Variants in FBL observed in about 807,000 individuals in gnomAD.
FBL encodes fibrillarin rRNA 2'-O-methyltransferase.
A neutral mutation model predicts 42.2 loss-of-function variants in FBL; 10 were observed. The observed-to-expected ratio is 0.24, with a 90% CI of 0.15 to 0.40. The LOEUF (loss-of-function observed/expected upper bound fraction) is 0.40. Ranked by LOEUF, FBL falls within the 10% of genes least tolerant of loss-of-function variation. The pLI, the probability that FBL is intolerant of heterozygous loss-of-function variation, is 1.00. For missense variants in FBL, 351 were observed against 439.2 expected (o/e 0.80, Z 1.79); for synonymous variants, 165 against 165.4 (o/e 1.00, Z 0.02).
Position 39,837,806 on chromosome 19 carries a change from G to C in FBL, c.587C>G (p.Ser196Cys), listed in dbSNP as rs1193026738. Residue 196 changes from serine (S) to cysteine (C), a missense_variant, in exon 6 of 9, where the codon TCT (serine) becomes TGT (cysteine). By Grantham distance (112) the Ser-to-Cys change is moderately radical. Coordinates refer to ENST00000221801, the MANE Select transcript of FBL (RefSeq NM_001436.4). The part of the protein sequence containing the change: ...LVYAVEFSHR[S>C]GRDLINLAKK... ...GGCCAAGTTAATGAGGTCACGGCCAGAGCGGTGGGAGAACTCGACTGCATA... is the reference window on the plus strand; with the variant it reads ...GGCCAAGTTAATGAGGTCACGGCCACAGCGGTGGGAGAACTCGACTGCATA... The C allele has an allele frequency of 1.2e-6, 2 of 1,612,894 alleles. No individual in the cohort carries two copies. The highest frequency in any genetic ancestry group is 1.7e-6 in the Non-Finnish European group (2 of 1,179,570).
At chr19:39,839,357 G>A (rs901923153) in intron 4 of FBL, 152 bp from the exon 5 acceptor site, 4 of 606,358 alleles carry the variant, frequency 6.6e-6, no homozygotes, top group Non-Finnish European at 1.1e-5. Context: ...ACATGCAGTC[G>A]CTGCCCTCTC....
rs763593303 is a variant in FBL, at chr19:39,837,856, A to G, written c.550-13T>C. On this transcript the variant is annotated splice_polypyrimidine_tract_variant and intron_variant, in intron 5 of 8. Transcript: ENST00000221801. ...AGACTAGACCATCCTAAAATAAATT[A>G]AAAATTAATGAACAGTGATGCTAGT... The G allele has an allele frequency of 5.0e-6, 8 of 1,612,406 alleles. No individual in the cohort carries two copies. In the East Asian group the frequency reaches 1.8e-4, roughly 36 times the overall value.
intron 1 of FBL, 41 bp downstream of exon 1, chr19:39,846,250 C>A (rs1330945299): frequency 6.2e-7 from 1 of 1,612,574 alleles, no homozygotes; most frequent in African/African-American, 1.3e-5. Flanking sequence ...GATTCCCGCC[C>A]GGCCTCCGTC....
chr19:39,844,613 C>T (rs1199193938), intron 1 of FBL, among the ~76,000 whole-genome samples: 2 of 152,166 alleles, frequency 1.3e-5, no homozygotes, highest in African/African-American at 4.8e-5. Context: ...CACACACCCA[C>T]ATACAATCTG....
At chr19:39,835,551 T>A (rs1969026850) in intron 7 of FBL, among the ~76,000 whole-genome samples, 1 of 152,060 alleles carries the variant, frequency 6.6e-6, no homozygotes, top group African/African-American at 2.4e-5. Flanking sequence ...AATAAATAAA[T>A]TACCCAGTCT....
At chr19:39,839,013 G>A (rs1016538359) in intron 5 of FBL, 22 bp downstream of exon 5, 3 of 1,595,592 alleles carry the variant, frequency 1.9e-6, no homozygotes, top group African/African-American at 2.7e-5. Flanking sequence ...CCTCCTGCCT[G>A]ACTCTCCATC....
intron 6 of FBL, among the ~76,000 whole-genome samples, 192 bp from the exon 7 acceptor site, chr19:39,836,860 T>C (rs1216140024): frequency 6.6e-6 from 1 of 152,202 alleles, no homozygotes; most frequent in Admixed American, 6.5e-5. Flanking sequence ...ACATCATTCA[T>C]CCACTCTTCT....
In FBL at chr19:39,834,509, A is replaced by G. The variant is rs1968984309; in HGVS notation, c.*29T>C. ...CACACGTGCAACAGTATCAACACAC[A>G]TCTCTCGCAATCCTGACAGCGCTGA... On this transcript the variant is annotated 3_prime_UTR_variant, in exon 9 of 9. Coordinates refer to ENST00000221801, the MANE Select transcript of FBL (RefSeq NM_001436.4). The G allele has an allele frequency of 1.9e-6, 3 of 1,613,772 alleles. No homozygotes were observed. The highest frequency in any genetic ancestry group is 2.5e-6 in the Non-Finnish European group (3 of 1,179,678).
rs762633689 is a variant in FBL, at chr19:39,840,221, C to A, written c.378+12G>T. On this transcript the variant is annotated intron_variant, in intron 4 of 8. Transcript: ENST00000221801. This position sits in a 1 kb window ranked among gnomAD's most constrained non-coding sequence, Gnocchi z 4.5. ...GCGACCCTGGTGGCTTGGACAGGGGCCCAGTTCTCACCGAAATCGAGACTC... is the reference window on the plus strand; with the variant it reads ...GCGACCCTGGTGGCTTGGACAGGGGACCAGTTCTCACCGAAATCGAGACTC... The A allele has an allele frequency of 1.9e-6, 3 of 1,607,808 alleles. No individual in the cohort carries two copies. The highest frequency in any genetic ancestry group is 2.2e-5 in the South Asian group (2 of 90,946).
rs1394137756 is a variant in FBL, at chr19:39,834,575, G to A, written c.942-13C>T. The A allele has an allele frequency of 6.2e-7, 1 of 1,614,060 alleles. No individual in the cohort carries two copies. Among genetic ancestry groups the A allele is most frequent in the Non-Finnish European group, 8.5e-7 (1 of 1,180,036 alleles). On this transcript the variant is annotated splice_polypyrimidine_tract_variant and intron_variant, in intron 8 of 8. Coordinates refer to ENST00000221801, the MANE Select transcript of FBL (RefSeq NM_001436.4). ...CTTGGGGGGTGGCCTGTGAGAGGAA[G>A]ATAGGTGATGAAGGAGGGTCCCCAG...
At chr19:39,839,601 A>G (rs933588577) in intron 4 of FBL, among the ~76,000 whole-genome samples, 5 of 152,140 alleles carry the variant, frequency 3.3e-5, no homozygotes, top group African/African-American at 1.2e-4. Flanking sequence ...GAGAGAAGAC[A>G]AAGCCAGGAG....
intron 1 of FBL, among the ~76,000 whole-genome samples, chr19:39,841,910 TA>T (rs1969170151): frequency 6.6e-6 from 1 of 152,200 alleles, no homozygotes; most frequent in South Asian, 2.1e-4. Context: ...CAAACACCAT[TA>T]GCACAAAACA....
At chr19:39,842,045 ATCTCACAT>A (rs1969171763) in intron 1 of FBL, among the ~76,000 whole-genome samples, 3 of 152,242 alleles carry the variant, frequency 2.0e-5, no homozygotes, top group Admixed American at 1.3e-4. Flanking sequence ...GTTTAAAATT[ATCTCACAT>A]TCTCACATGA....
intron 1 of FBL, among the ~76,000 whole-genome samples, chr19:39,842,166 A>G (rs1969174953): frequency 6.6e-6 from 1 of 151,898 alleles, no homozygotes; most frequent in Non-Finnish European, 1.5e-5. Context: ...GCTCACTGCA[A>G]GCTCCACCTC....
At position 39,839,079 on chromosome 19, in the gene FBL, C is replaced by A. The variant is rs1313348108; in HGVS notation, c.505G>T (p.Ala169Ser). The A allele has an allele frequency of 6.2e-7, 1 of 1,614,084 alleles. No homozygotes were observed. The highest frequency in any genetic ancestry group is 1.1e-5 in the South Asian group (1 of 91,074). Residue 169 changes from alanine to serine, a missense_variant, in exon 5 of 9, where the codon GCC becomes TCC. Coordinates refer to ENST00000221801, the MANE Select transcript of FBL (RefSeq NM_001436.4). ...ACATGGGAGACCGTGGTGCCCGAGG[C>A]AGCCCCGAGGTAGAGAACCTTAGCC... Reference protein sequence around the residue: ...PGAKVLYLGAASGTTVSHVSD... With the variant: ...PGAKVLYLGASSGTTVSHVSD...
At chr19:39,842,845 G>A (rs900077232) in intron 1 of FBL, among the ~76,000 whole-genome samples, 1 of 152,154 alleles carries the variant, frequency 6.6e-6, no homozygotes, top group African/African-American at 2.4e-5. Context: ...ATCATCCTAA[G>A]GATCTGGCCT....
rs777313281 is a variant in FBL, at chr19:39,840,320, G to T, written c.291C>A (p.Phe97Leu). ...MVEPHRHEGV[F>L]ICRGKEDALV... ...GTGCATCTTCCTTTCCTCGACAAAT[G>T]AAGACACCTGGGTGAGGGGATCAGA... Residue 97 changes from phenylalanine to leucine, a missense_variant, in exon 4 of 9, where the codon TTC becomes TTA. Coordinates refer to ENST00000221801, the MANE Select transcript of FBL (RefSeq NM_001436.4). This position sits in a 1 kb window ranked among gnomAD's most constrained non-coding sequence, Gnocchi z 4.5. The T allele has an allele frequency of 1.9e-6, 3 of 1,613,826 alleles. No homozygotes were observed. The highest frequency in any genetic ancestry group is 2.5e-6 in the Non-Finnish European group (3 of 1,179,906).
rs760533646 is a variant in FBL, at chr19:39,834,654, G to T, written c.941+14C>A. 6.2e-7 allele frequency: 1 copy of T among 1,613,978 alleles called. No individual in the cohort carries two copies. The highest frequency in any genetic ancestry group is 1.3e-5 in the African/African-American group (1 of 74,896). ...GAGATGTCTGTCTTGGTGTATTGCT[G>T]GGCCCCTGCTCACCTGTACACTCCC... is the stretch of plus-strand genomic sequence containing the variant. On this transcript the variant is annotated intron_variant, in intron 8 of 8. Transcript: ENST00000221801.
chr19:39,844,817 C>G (rs2145068628), intron 1 of FBL, among the ~76,000 whole-genome samples: 1 of 152,328 alleles, frequency 6.6e-6, no homozygotes, highest in Non-Finnish European at 1.5e-5. Flanking sequence ...CACCACGCCC[C>G]TGCTCAAAAA....
Sources: allele counts gnomAD v4.1 joint callset (sites outside exome capture counted in the v4.1 genomes callset), GRCh38; gene constraint gnomAD v4.1.1; non-coding constraint Gnocchi (gnomAD v3.1); transcripts MANE v1.5; gene names NCBI Gene and HGNC (gene_info 2026-07-23, HGNC 2026-07-21).